C11orf65: variants seen among roughly 807,000 people sequenced by gnomAD.
The protein encoded by C11orf65 is chromosome 11 open reading frame 65.
Under a neutral mutation model 35.3 loss-of-function variants are expected in C11orf65, and 38 were observed. The observed-to-expected ratio is 1.08, with a 90% CI of 0.83 to 1.41. The LOEUF is 1.41. Ranked by LOEUF, C11orf65 falls within the 40% of genes most tolerant of loss-of-function variation. The pLI is 0.00. For synonymous variants in C11orf65, 105 were observed against 114.4 expected, an observed-to-expected ratio of 0.92 and a Z score of 0.53; for missense variants, 370 against 367.1, an observed-to-expected ratio of 1.01 and a Z score of -0.06.
At chr11:108,336,541 T>C (rs1444229669) in intron 2 of C11orf65, 1 of 154,110 alleles carries the variant, frequency 6.5e-6, no homozygotes, top group Middle Eastern at 3.1e-3. Context: ...TGTATGTATG[T>C]AGTTTTTTAT....
In C11orf65 at chr11:108,353,806, G is replaced by C. The variant is rs1349488841; in HGVS notation, c.227-18514C>G. The stretch of plus-strand genomic sequence containing the variant: ...AGGGCAAAATCCTTCCTACTCCTGA[G>C]ACAGTTCCTTTTAGACTCACCAGAG... On this transcript the variant is annotated intron_variant, in intron 2 of 3. Transcript: ENST00000524755. The C allele has an allele frequency of 6.2e-7, 1 of 1,614,078 alleles. No homozygotes were observed. Among genetic ancestry groups the C allele is most frequent in the Middle Eastern group, 1.6e-4 (1 of 6,062 alleles).
chr11:108,339,344 T>A (rs2087224469), intron 2 of C11orf65, among the ~76,000 whole-genome samples: 2 of 152,174 alleles, frequency 1.3e-5, no homozygotes, highest in Admixed American at 1.3e-4. Flanking sequence ...TGCCAATAAA[T>A]AATTTTTATT....
At chr11:108,419,807 C>T (rs1162126925) in intron 3 of C11orf65, among the ~76,000 whole-genome samples, 1 of 152,126 alleles carries the variant, frequency 6.6e-6, no homozygotes. Context: ...AATAGCATAC[C>T]TCATACTTAA....
intron 2 of C11orf65, chr11:108,345,605 A>G: frequency 1.4e-6 from 1 of 697,662 alleles, no homozygotes; most frequent in Non-Finnish European, 2.3e-6. Context: ...CCCTGTCCAG[A>G]CTGTTAGCTT....
chr11:108,458,598 T>C (rs11212653), intron 2 of C11orf65, among the ~76,000 whole-genome samples: 30,778 of 152,018 alleles, frequency 0.2, 3,738 homozygotes, highest in African/African-American at 0.33. Flanking sequence ...TGTTTAACAT[T>C]TGGATAAATA....
chr11:108,357,230 T>C (rs1339260551), intron 2 of C11orf65, among the ~76,000 whole-genome samples: 1 of 152,102 alleles, frequency 6.6e-6, no homozygotes, highest in Non-Finnish European at 1.5e-5. Flanking sequence ...TATTGCGCTT[T>C]TTGGACCGGC....
chr11:108,352,850 A>G (rs896842896), intron 2 of C11orf65, among the ~76,000 whole-genome samples: 7 of 152,234 alleles, frequency 4.6e-5, no homozygotes, highest in African/African-American at 1.7e-4. Flanking sequence ...TTCCATTTAT[A>G]TAACATACTT....
At chr11:108,465,811 C>G (rs543317477) in intron 1 of C11orf65, among the ~76,000 whole-genome samples, 1 of 151,716 alleles carries the variant, frequency 6.6e-6, no homozygotes, top group Non-Finnish European at 1.5e-5. Context: ...ATGGAGAAAT[C>G]CCGTCTCTAC....
At chr11:108,317,616 TATATATATATA>T in intron 6 of C11orf65, 1 of 9,616 alleles carries the variant, frequency 1.0e-4, no homozygotes. Context: ...GGAGTTGTTT[TATATATATATA>T]TATATATATA....
chr11:108,429,540 G>C (rs933607288), intron 3 of C11orf65, among the ~76,000 whole-genome samples: 1 of 152,156 alleles, frequency 6.6e-6, no homozygotes, highest in African/African-American at 2.4e-5. Flanking sequence ...TGCATTATTG[G>C]TGAGAGTACA....
chr11:108,344,569 T>C (rs921256785), intron 2 of C11orf65, among the ~76,000 whole-genome samples: 1 of 152,092 alleles, frequency 6.6e-6, no homozygotes, highest in African/African-American at 2.4e-5. Context: ...CCGACGGCAC[T>C]GTGGGTTCTA....
At chr11:108,367,400 G>C in intron 2 of C11orf65, 1 of 197,134 alleles carries the variant, frequency 5.1e-6, no homozygotes, top group Non-Finnish European at 1.1e-5. Flanking sequence ...CTGTTGGAAG[G>C]GAAGGGCTTA....
At chr11:108,380,476 A>G (rs1006472425), downstream of C11orf65, among the ~76,000 whole-genome samples, 2 of 151,572 alleles carry the variant, frequency 1.3e-5, no homozygotes, top group African/African-American at 2.4e-5. Context: ...TATCACTTTT[A>G]TGCTTACCAG....
downstream of C11orf65, among the ~76,000 whole-genome samples, chr11:108,380,138 A>G (rs2091839014): frequency 6.6e-6 from 1 of 152,174 alleles, no homozygotes; most frequent in Non-Finnish European, 1.5e-5. Context: ...CAAGGTAGAG[A>G]CGTTCCCTAC....
At chr11:108,325,673 A>G in intron 6 of C11orf65, 1 of 866,466 alleles carries the variant, frequency 1.2e-6, no homozygotes, top group Middle Eastern at 3.5e-4. Flanking sequence ...TAGTAAAAAT[A>G]ATTGTTTAAG....
chr11:108,361,952 T>C (rs1456591430), intron 2 of C11orf65, among the ~76,000 whole-genome samples: 1 of 138,656 alleles, frequency 7.2e-6, no homozygotes, highest in African/African-American at 2.7e-5. Context: ...ACAAATGGGA[T>C]CTAATTAAAC....
At chr11:108,363,279 G>A (rs61603186) in intron 2 of C11orf65, among the ~76,000 whole-genome samples, 8,689 of 152,046 alleles carry the variant, frequency 0.057, 800 homozygotes, top group African/African-American at 0.2. Context: ...CACTATTTCT[G>A]AACTGATCTC....
intron 2 of C11orf65, among the ~76,000 whole-genome samples, chr11:108,450,148 G>C (rs2093326539): frequency 6.6e-6 from 1 of 151,968 alleles, no homozygotes; most frequent in South Asian, 2.1e-4. Flanking sequence ...TGCTGGAGAG[G>C]ATGTGGAGAA....
chr11:108,327,534 C>A, downstream of C11orf65: 2 of 829,840 alleles, frequency 2.4e-6, no homozygotes, highest in Non-Finnish European at 3.9e-6. Context: ...TTTTTTTTCC[C>A]ACCCACCAAG....
Sources: allele counts gnomAD v4.1 joint callset (sites outside exome capture counted in the v4.1 genomes callset), GRCh38; gene constraint gnomAD v4.1.1; transcripts MANE v1.5; gene names NCBI Gene and HGNC (gene_info 2026-07-23, HGNC 2026-07-21).